MACC1: variants seen among roughly 807,000 people sequenced by gnomAD.
The protein encoded by MACC1 is metastasis-associated in colon cancer protein 1.
A neutral mutation model predicts 70.7 loss-of-function variants in MACC1; 79 were observed. The ratio of observed to expected loss-of-function variants is 1.12; its 90% CI spans 0.93 to 1.35. The LOEUF (loss-of-function observed/expected upper bound fraction) is 1.35, where lower values mean the gene tolerates loss of function less well. Among genes scored for constraint, MACC1 ranks in the 40% most tolerant of loss-of-function variants. MACC1 has a pLI of 0.00. For synonymous variants in MACC1, 361 were observed against 347.2 expected (o/e 1.04, Z -0.44); for missense variants, 1,106 against 978.1 (o/e 1.13, Z -1.74).
At position 20,136,968 on chromosome 7, in the gene MACC1, AATATT is replaced by A. The variant is rs1319990084; in HGVS notation, c.*3973_*3977del. On this transcript the variant is annotated 3_prime_UTR_variant, in exon 7 of 7. Coordinates refer to ENST00000400331, the MANE Select transcript of MACC1 (RefSeq NM_182762.4). Reference sequence around the variant, plus strand: ...TTAATTCTTAAAGATTATGAATTATAATATTAAATTATAATTAATTCTTAAAGATT... The same window carrying A: ...TTAATTCTTAAAGATTATGAATTATAAAATTATAATTAATTCTTAAAGATT... 1.3e-5 allele frequency: 2 copies of A among 148,768 alleles called. No individual in the cohort carries two copies. Among genetic ancestry groups the A allele is most frequent in the Non-Finnish European group, 3.0e-5 (2 of 67,308 alleles). 9.2% of individuals were successfully genotyped at this position (148,768 alleles called of 1,614,324 possible).
At chr7:20,169,278 G>A (rs1782265880) in intron 2 of MACC1, among the ~76,000 whole-genome samples, 1 of 152,150 alleles carries the variant, frequency 6.6e-6, no homozygotes, top group South Asian at 2.1e-4. Flanking sequence ...TCTTGTCCCT[G>A]GGATTGGACA....
chr7:20,205,740 C>G (rs544328558), intron 1 of MACC1, among the ~76,000 whole-genome samples: 1 of 151,978 alleles, frequency 6.6e-6, no homozygotes, highest in Non-Finnish European at 1.5e-5. Flanking sequence ...CTCCTTGAGT[C>G]GTTCCATCCT....
chr7:20,153,277 G>T (rs932567968), intron 6 of MACC1: 1 of 152,154 alleles, frequency 6.6e-6, no homozygotes, highest in African/African-American at 2.4e-5. Context: ...GTTTTGTCCT[G>T]TTCACCCAAC....
At chr7:20,146,565 C>T (rs1211165735) in intron 6 of MACC1, among the ~76,000 whole-genome samples, 3 of 152,084 alleles carry the variant, frequency 2.0e-5, no homozygotes, top group South Asian at 2.1e-4. Context: ...ATTTTCTTTC[C>T]GGACTGACTA....
chr7:20,169,804 A>C (rs912289138), intron 2 of MACC1, among the ~76,000 whole-genome samples: 1 of 152,244 alleles, frequency 6.6e-6, no homozygotes, highest in African/African-American at 2.4e-5. Context: ...TACTATCAAC[A>C]TATAATAACC....
At chr7:20,187,643 C>T (rs1339350738) in intron 1 of MACC1, among the ~76,000 whole-genome samples, 2 of 152,178 alleles carry the variant, frequency 1.3e-5, no homozygotes, top group African/African-American at 4.8e-5. Flanking sequence ...ATTATTGTAA[C>T]CCAGAAGCTT....
chr7:20,216,803 C>T (rs769674002), intron 1 of MACC1, among the ~76,000 whole-genome samples: 2 of 152,178 alleles, frequency 1.3e-5, no homozygotes, highest in Non-Finnish European at 2.9e-5. Flanking sequence ...GTTATGCACA[C>T]ACACTTTACA....
Position 20,147,192 on chromosome 7 carries a change from A to T in MACC1, c.2347-6034T>A, listed in dbSNP as rs1292190396. Among the ~76,000 whole-genome samples the T allele has an allele frequency of 2.0e-5, 3 of 152,220 alleles. No homozygotes were observed. The East Asian group carries it at 5.8e-4, about 29-fold the overall frequency. On this transcript the variant is annotated intron_variant, in intron 6 of 6. Transcript: ENST00000400331. Reference sequence around the variant, plus strand: ...AAAGGCAAAACATACATAGTTTTCCAAATTTAGAGTGCTCATTCCCAGAAG... The same window carrying T: ...AAAGGCAAAACATACATAGTTTTCCTAATTTAGAGTGCTCATTCCCAGAAG...
At chr7:20,199,481 T>G (rs150302377) in intron 1 of MACC1, among the ~76,000 whole-genome samples, 1 of 152,268 alleles carries the variant, frequency 6.6e-6, no homozygotes, top group Non-Finnish European at 1.5e-5. Flanking sequence ...CTTGCCTTGA[T>G]TGGCAGAATG....
At chr7:20,199,553 C>T (rs890780204) in intron 1 of MACC1, among the ~76,000 whole-genome samples, 1 of 152,190 alleles carries the variant, frequency 6.6e-6, no homozygotes, top group African/African-American at 2.4e-5. Flanking sequence ...CTATCCTCCA[C>T]CCACACCCTT....
At chr7:20,147,912 C>T (rs144658209) in intron 6 of MACC1, among the ~76,000 whole-genome samples, 1 of 152,214 alleles carries the variant, frequency 6.6e-6, no homozygotes, top group African/African-American at 2.4e-5. Context: ...ATTGCCTCCT[C>T]ATCATCACTG....
At chr7:20,141,852 AT>A (rs1444992575) in intron 6 of MACC1, 1 of 152,112 alleles carries the variant, frequency 6.6e-6, no homozygotes. Flanking sequence ...ACAAGCATGC[AT>A]GTAATGGTAA....
chr7:20,165,240 C>T (rs1356146485), intron 2 of MACC1, among the ~76,000 whole-genome samples: 1 of 152,160 alleles, frequency 6.6e-6, no homozygotes, highest in Non-Finnish European at 1.5e-5. Context: ...GGAACCACCC[C>T]AGTGTTTCTA....
intron 1 of MACC1, among the ~76,000 whole-genome samples, chr7:20,214,848 G>A (rs926148915): frequency 2.0e-5 from 3 of 152,078 alleles, no homozygotes; most frequent in Non-Finnish European, 4.4e-5. Context: ...TTTAATGTGC[G>A]AAAGTTTGGA....
intron 5 of MACC1, among the ~76,000 whole-genome samples, chr7:20,157,262 T>C (rs578210403): frequency 6.6e-6 from 1 of 151,984 alleles, no homozygotes; most frequent in Non-Finnish European, 1.5e-5. Context: ...ATGATCTTGA[T>C]TTTTTTTATT....
chr7:20,144,607 T>C (rs929451433), intron 6 of MACC1, among the ~76,000 whole-genome samples: 11 of 152,174 alleles, frequency 7.2e-5, no homozygotes, highest in Non-Finnish European at 7.3e-5. Context: ...TACTTCTTAA[T>C]AGGATAGAGA....
At chr7:20,149,534 C>T (rs542648100) in intron 6 of MACC1, among the ~76,000 whole-genome samples, 13 of 152,228 alleles carry the variant, frequency 8.5e-5, no homozygotes, top group African/African-American at 3.1e-4. Context: ...GTAATTTGCC[C>T]AAGGCTTGAG....
chr7:20,207,164 A>G (rs1308839350), intron 1 of MACC1, among the ~76,000 whole-genome samples: 2 of 151,584 alleles, frequency 1.3e-5, no homozygotes, highest in African/African-American at 4.8e-5. Context: ...TTTTTTAGAC[A>G]GAGTCTTGCT....
At chr7:20,195,259 T>C (rs1394953757) in intron 1 of MACC1, among the ~76,000 whole-genome samples, 1 of 152,172 alleles carries the variant, frequency 6.6e-6, no homozygotes, top group East Asian at 1.9e-4. Context: ...CTTGCTATTA[T>C]TGCATGAAGT....
Sources: gnomAD v4.1 joint callset for allele counts (sites outside exome capture counted in the v4.1 genomes callset) on GRCh38, gnomAD v4.1.1 for gene constraint, MANE v1.5 for transcripts, NCBI Gene and HGNC (gene_info 2026-07-23, HGNC 2026-07-21) for gene names.